The following NUDCD3 variants were observed in gnomAD, a reference collection of about 807,000 sequenced individuals.
The protein encoded by NUDCD3 is NudC domain containing 3, also known as nudC domain-containing protein 3.
A neutral mutation model predicts 39.7 loss-of-function variants in NUDCD3; 13 were observed. The observed-to-expected ratio is 0.33, with a 90% CI of 0.21 to 0.52. NUDCD3 has a LOEUF of 0.52. Among genes scored for constraint, NUDCD3 ranks in the 20% least tolerant of loss-of-function variants. The pLI is 0.96. For missense variants in NUDCD3, 453 were observed against 458.1 expected, an observed-to-expected ratio of 0.99 and a Z score of 0.10; for synonymous variants, 175 against 172.4, an observed-to-expected ratio of 1.02 and a Z score of -0.12.
intron 3 of NUDCD3, among the ~76,000 whole-genome samples, chr7:44,416,011 A>G (rs1483895099): frequency 2.0e-5 from 3 of 152,212 alleles, no homozygotes; most frequent in East Asian, 3.8e-4. Flanking sequence ...AACTTTTTCC[A>G]AAGTTTTAAG....
chr7:44,407,270 A>T (rs1264858675), intron 3 of NUDCD3, among the ~76,000 whole-genome samples: 1 of 86,346 alleles, frequency 1.2e-5, no homozygotes, highest in Non-Finnish European at 2.6e-5. Context: ...TTTTTGTATT[A>T]AAAAAAAAAA....
chr7:44,430,552 A>ACC (rs200056045), intron 2 of NUDCD3, among the ~76,000 whole-genome samples: 5 of 138,954 alleles, frequency 3.6e-5, no homozygotes, highest in African/African-American at 8.6e-5. Context: ...TAAATAAAAT[A>ACC]CCCACACACA....
At chr7:44,456,051 CA>C (rs372176405) in intron 2 of NUDCD3, among the ~76,000 whole-genome samples, 14,897 of 104,024 alleles carry the variant, frequency 0.14, 1,378 homozygotes, top group Non-Finnish European at 0.21. Flanking sequence ...AAAAAAAAAA[CA>C]AAAAAACAAA....
At chr7:44,461,494 A>G (rs1234718609) in intron 2 of NUDCD3, among the ~76,000 whole-genome samples, 2 of 152,206 alleles carry the variant, frequency 1.3e-5, no homozygotes, top group Non-Finnish European at 2.9e-5. Flanking sequence ...GGGGGGAGGC[A>G]CACTCATAAA....
chr7:44,459,255 G>T (rs928067394), intron 2 of NUDCD3, among the ~76,000 whole-genome samples: 1 of 150,416 alleles, frequency 6.6e-6, no homozygotes, highest in African/African-American at 2.5e-5. Flanking sequence ...GCTGAGTGCA[G>T]TGGCACGATC....
At chr7:44,445,528 T>G (rs1250537842) in intron 2 of NUDCD3, among the ~76,000 whole-genome samples, 1 of 152,210 alleles carries the variant, frequency 6.6e-6, no homozygotes, top group African/African-American at 2.4e-5. Flanking sequence ...TGACCTCCAA[T>G]GTCATCTGCC....
intron 2 of NUDCD3, among the ~76,000 whole-genome samples, chr7:44,480,002 A>G (rs1232086379): frequency 2.6e-5 from 4 of 152,218 alleles, no homozygotes; most frequent in Admixed American, 1.3e-4. Flanking sequence ...AGTCCTTGGA[A>G]AGGTTTGATT....
chr7:44,427,352 C>T (rs1161631514), intron 3 of NUDCD3, among the ~76,000 whole-genome samples: 1 of 152,108 alleles, frequency 6.6e-6, no homozygotes, highest in African/African-American at 2.4e-5. Context: ...TTCACCATCC[C>T]CAAAGGGAGG....
At chr7:44,460,498 T>C (rs1444052181) in intron 2 of NUDCD3, among the ~76,000 whole-genome samples, 4 of 152,122 alleles carry the variant, frequency 2.6e-5, no homozygotes, top group African/African-American at 4.8e-5. Flanking sequence ...CTCCAAATAG[T>C]ATGCCAGACT....
Position 44,386,122 on chromosome 7 carries a change from C to T in NUDCD3, c.976-1G>A. The T allele has an allele frequency of 6.2e-7, 1 of 1,614,062 alleles. No individual in the cohort carries two copies. The highest frequency in any genetic ancestry group is 8.5e-7 in the Non-Finnish European group (1 of 1,179,964). ...CCTTCTTCAGCATCTCATGGACTTT[C>T]TACAAACAGAAAATAGAGAGATTAA... On this transcript the variant is annotated splice_acceptor_variant, in intron 5 of 5. Transcript: ENST00000355451. LOFTEE classifies it high-confidence loss of function.
chr7:44,414,903 C>T lies in NUDCD3; in HGVS notation c.643-10320G>A, dbSNP rs143240290. On this transcript the variant is annotated intron_variant, in intron 3 of 5. Coordinates refer to ENST00000355451, the MANE Select transcript of NUDCD3 (RefSeq NM_015332.4). Reference sequence around the variant, plus strand: ...ATCAGTTAGAGCCATAAATGACACACCTAGTGGCTAAGGTGGTGTTCCAAA... The same window carrying T: ...ATCAGTTAGAGCCATAAATGACACATCTAGTGGCTAAGGTGGTGTTCCAAA... 2.8e-3 allele frequency among the ~76,000 whole-genome samples: 419 copies of T among 152,286 alleles called. 4 individuals are homozygous for T. The highest frequency in any genetic ancestry group is 9.3e-3 in the African/African-American group (387 of 41,554).
rs963322795 is a variant in NUDCD3 at position 44,381,775 on chromosome 7, G to A, written c.*4236C>T. 14 of 152,304 alleles carry A rather than the reference G, an allele frequency of 9.2e-5. No individual in the cohort carries two copies. The highest frequency in any genetic ancestry group is 3.1e-4 in the African/African-American group (13 of 41,428). The allele number at this position is 152,304 out of a possible 1,614,324, so 9.4% of individuals were successfully genotyped here. A position where few individuals can be genotyped will look rare whatever the true frequency, so the allele number is the denominator to read the frequency against. On this transcript the variant is annotated 3_prime_UTR_variant, in exon 6 of 6. Coordinates refer to ENST00000355451, the MANE Select transcript of NUDCD3 (RefSeq NM_015332.4). Reference sequence around the variant, plus strand: ...CAGTACCCTCGTGAACCTGCCTGAGGGTGGCCACATTCCCACACCCCATGT... The same window carrying A: ...CAGTACCCTCGTGAACCTGCCTGAGAGTGGCCACATTCCCACACCCCATGT...
chr7:44,462,137 AC>A (rs1800028377), intron 2 of NUDCD3, among the ~76,000 whole-genome samples: 1 of 152,200 alleles, frequency 6.6e-6, no homozygotes, highest in Admixed American at 6.5e-5. Flanking sequence ...ATTATCAGGG[AC>A]ATGTACACAC....
intron 2 of NUDCD3, among the ~76,000 whole-genome samples, chr7:44,459,603 TATTTTCCAA>T (rs1230540156): frequency 6.6e-6 from 1 of 152,262 alleles, no homozygotes; most frequent in Non-Finnish European, 1.5e-5. Context: ...TGGATAATTC[TATTTTCCAA>T]ATTTTCCAAA....
At chr7:44,426,795 C>CAAAA (rs777817601) in intron 3 of NUDCD3, among the ~76,000 whole-genome samples, 2 of 54,782 alleles carry the variant, frequency 3.7e-5, no homozygotes, top group Admixed American at 2.0e-4. Flanking sequence ...GACTCCGTCT[C>CAAAA]AAAAAAAAAA....
At chr7:44,456,263 A>G (rs1799900078) in intron 2 of NUDCD3, among the ~76,000 whole-genome samples, 1 of 152,030 alleles carries the variant, frequency 6.6e-6, no homozygotes, top group Non-Finnish European at 1.5e-5. Flanking sequence ...TAGTGATCAA[A>G]TATCTGAATA....
At chr7:44,447,047 G>C (rs1225588599) in intron 2 of NUDCD3, among the ~76,000 whole-genome samples, 2 of 152,212 alleles carry the variant, frequency 1.3e-5, no homozygotes, top group African/African-American at 2.4e-5. Flanking sequence ...CCAAGGAAAA[G>C]CAATTAGTTC....
chr7:44,454,370 T>C (rs1191759067), intron 2 of NUDCD3, among the ~76,000 whole-genome samples: 1 of 152,058 alleles, frequency 6.6e-6, no homozygotes, highest in Non-Finnish European at 1.5e-5. Context: ...AAAACTCCCA[T>C]GTCAAAATAG....
rs1017625585 is a variant in NUDCD3, at chr7:44,384,268, A to C, written c.*1743T>G. 6.6e-6 allele frequency: 1 copy of C among 152,190 alleles called. No homozygotes were observed. Among genetic ancestry groups the C allele is most frequent in the African/African-American group, 2.4e-5 (1 of 41,436 alleles). The allele number at this position is 152,190 out of a possible 1,614,324, so 9.4% of individuals were successfully genotyped here. ...TTAGGCAGGAAAGCTCTTGTGGGAC[A>C]GTGGTGTGCAAATCCTAGGACCTCA... On this transcript the variant is annotated 3_prime_UTR_variant, in exon 6 of 6. Transcript: ENST00000355451.
Sources: allele counts gnomAD v4.1 joint callset (sites outside exome capture counted in the v4.1 genomes callset), GRCh38; gene constraint gnomAD v4.1.1; transcripts MANE v1.5; gene names NCBI Gene and HGNC (gene_info 2026-07-23, HGNC 2026-07-21).